ZNF429: variants seen among roughly 807,000 people sequenced by gnomAD.
ZNF429 encodes zinc finger protein 429.
In ZNF429, 53 loss-of-function variants were observed where a neutral mutation model predicts 56.8. The observed-to-expected ratio is 0.93, with a 90% CI of 0.75 to 1.17. The LOEUF (loss-of-function observed/expected upper bound fraction) is 1.17, where lower values mean the gene tolerates loss of function less well. Ranked by LOEUF, ZNF429 falls within the 50% of genes most tolerant of loss-of-function variation. The pLI is 0.00. For synonymous variants in ZNF429, 278 were observed against 264.7 expected (o/e 1.05, Z -0.49); for missense variants, 849 against 788.4 (o/e 1.08, Z -0.92).
chr19:21,536,311 G>T lies in ZNF429; in HGVS notation c.258G>T (p.Trp86Cys), dbSNP rs747327564. The change falls in exon 4 of 4, where the codon TGG (tryptophan) becomes TGT (cysteine). Residue 86 changes from tryptophan to cysteine, a missense_variant. Trp to Cys is a radical substitution (Grantham distance 215). Transcript: ENST00000358491. ...VVCSHFAEDFWPEQDIKDSFQ... is the reference protein window; with the variant it reads ...VVCSHFAEDFCPEQDIKDSFQ... ...GTTCTCATTTTGCTGAAGACTTTTG[G>T]CCAGAGCAAGACATAAAAGATTCTT... 8.8e-6 allele frequency: 14 copies of T among 1,589,038 alleles called. No individual in the cohort carries two copies. Among genetic ancestry groups the T allele is most frequent in the Non-Finnish European group, 1.2e-5 (14 of 1,170,818 alleles).
Position 21,537,346 on chromosome 19 carries a change from C to G in ZNF429, c.1293C>G (p.Gly431=). 1 of 1,613,914 alleles carries G rather than the reference C, an allele frequency of 6.2e-7. No homozygotes were observed. Among genetic ancestry groups the G allele is most frequent in the Non-Finnish European group, 8.5e-7 (1 of 1,179,944 alleles). The change falls in exon 4 of 4, where the codon GGC becomes GGG. Residue 431 remains glycine, a synonymous_variant. Transcript: ENST00000358491. ...GEKPYNCEEC[G]KVFTYSSTLT... Reference sequence around the variant, plus strand: ...AACCCTACAATTGTGAAGAATGTGGCAAAGTTTTTACCTATTCCTCTACAC... The same window carrying G: ...AACCCTACAATTGTGAAGAATGTGGGAAAGTTTTTACCTATTCCTCTACAC...
intron 3 of ZNF429, among the ~76,000 whole-genome samples, chr19:21,531,352 C>T: frequency 6.6e-6 from 1 of 152,024 alleles, no homozygotes; most frequent in Non-Finnish European, 1.5e-5. Context: ...GGGGACCCAA[C>T]AAAAGAGGCT....
Position 21,537,261 on chromosome 19 carries a change from G to C in ZNF429, c.1208G>C (p.Gly403Ala). Residue 403 changes from glycine (G) to alanine (A), a missense_variant, in exon 4 of 4, where the codon GGC becomes GCC. Coordinates refer to ENST00000358491, the MANE Select transcript of ZNF429 (RefSeq NM_001001415.4). The stretch of plus-strand genomic sequence containing the variant: ...GAACCCTACAAATTTGAAAAATGTG[G>C]CAGAGTTTTTACCTGTTCCTCAACA... Reference protein sequence around the residue: ...GEEPYKFEKCGRVFTCSSTLT... With the variant: ...GEEPYKFEKCARVFTCSSTLT... 6.2e-7 allele frequency: 1 copy of C among 1,613,718 alleles called. No individual in the cohort carries two copies. The highest frequency in any genetic ancestry group is 8.5e-7 in the Non-Finnish European group (1 of 1,179,928).
chr19:21,536,189 G>A lies in ZNF429; in HGVS notation c.227-91G>A. The A allele has an allele frequency of 6.0e-4, 789 of 1,317,832 alleles. 2 individuals are homozygous for A. The African/African-American group carries it at 9.6e-3, about 16-fold the overall frequency. The allele number at this position is 1,317,832 out of a possible 1,614,324, so 81.6% of individuals were successfully genotyped here. A position where few individuals can be genotyped will look rare whatever the true frequency, so the allele number is the denominator to read the frequency against. ...TATTTTGCTATGCTGTGTTGCTTAC[G>A]TAGTTTTTATAACTTTAGAGGTTTT... On this transcript the variant is annotated intron_variant, in intron 3 of 3. Transcript: ENST00000358491.
chr19:21,517,696 GAT>G (rs869194346), intron 1 of ZNF429, among the ~76,000 whole-genome samples: 2 of 151,388 alleles, frequency 1.3e-5, no homozygotes, highest in African/African-American at 2.4e-5. Flanking sequence ...ATTTCTTTTA[GAT>G]TTTTTTTTTA....
chr19:21,535,331 T>TTCTTTCTTTCTTTCTTTCTCTC, intron 3 of ZNF429, among the ~76,000 whole-genome samples: 1 of 29,924 alleles, frequency 3.3e-5, no homozygotes, highest in African/African-American at 2.8e-4. Context: ...TTCTTTCTCT[T>TTCTTTCTTTCTTTCTTTCTCTC]TTCTTTTCTT....
chr19:21,505,620 C>A lies in ZNF429; in HGVS notation c.-152C>A. ...CGACAGGACGGTTTCCGGAATATGG[C>A]GGGGCGTTTGGCTCTTGCTGCAGCC... On this transcript the variant is annotated 5_prime_UTR_variant, in exon 1 of 4. Transcript: ENST00000358491. 2 of 656,222 alleles carry A rather than the reference C, an allele frequency of 3.0e-6. No individual in the cohort carries two copies. Among genetic ancestry groups the A allele is most frequent in the Non-Finnish European group, 4.9e-6 (2 of 408,890 alleles). The allele number at this position is 656,222 out of a possible 1,614,324, so 40.6% of individuals were successfully genotyped here.
intron 3 of ZNF429, among the ~76,000 whole-genome samples, chr19:21,535,428 C>CTTTTCT: frequency 1.5e-4 from 1 of 6,792 alleles, no homozygotes; most frequent in Non-Finnish European, 3.0e-4. Flanking sequence ...TTCTTTCTTT[C>CTTTTCT]TTTCTTTCTT....
At chr19:21,507,950 G>C (rs919377847) in intron 1 of ZNF429, among the ~76,000 whole-genome samples, 1 of 152,088 alleles carries the variant, frequency 6.6e-6, no homozygotes, top group African/African-American at 2.4e-5. Context: ...TCTACAATTT[G>C]TGAAAAAAGA....
chr19:21,535,401 CTTTCTTTT>C, intron 3 of ZNF429, among the ~76,000 whole-genome samples: 2 of 26,394 alleles, frequency 7.6e-5, no homozygotes, highest in Admixed American at 3.0e-4. Flanking sequence ...TTCTTTCTTT[CTTTCTTTT>C]TCTTTTCTTT....
At chr19:21,512,297 G>T (rs1378468542) in intron 1 of ZNF429, among the ~76,000 whole-genome samples, 2 of 152,148 alleles carry the variant, frequency 1.3e-5, no homozygotes, top group African/African-American at 2.4e-5. Flanking sequence ...GTTTTAGCTG[G>T]CTCCTTTACT....
In ZNF429 at chr19:21,536,453, A is replaced by G; in HGVS notation, c.400A>G (p.Asn134Asp). ...ATACAAAGGAGGTTATAATGGACTT[A>G]ACCAATGTTTGACACTTACCCAGAG... ...KLYKGGYNGL[N>D]QCLTLTQSKM... Residue 134 changes from asparagine to aspartate, a missense_variant, in exon 4 of 4, where the codon AAC becomes GAC. Transcript: ENST00000358491. 6.2e-7 allele frequency: 1 copy of G among 1,613,688 alleles called. No homozygotes were observed. Among genetic ancestry groups the G allele is most frequent in the East Asian group, 2.2e-5 (1 of 44,816 alleles).
chr19:21,507,095 T>A (rs942876919), intron 1 of ZNF429, among the ~76,000 whole-genome samples: 2 of 152,054 alleles, frequency 1.3e-5, no homozygotes, highest in African/African-American at 4.8e-5. Context: ...AAGTAGGAAT[T>A]CAGGGACTAC....
chr19:21,508,331 T>G (rs1415264257), intron 1 of ZNF429, among the ~76,000 whole-genome samples: 1 of 152,046 alleles, frequency 6.6e-6, no homozygotes, highest in African/African-American at 2.4e-5. Context: ...TAAAATGCAC[T>G]TGGGACACTT....
At position 21,505,611 on chromosome 19, in the gene ZNF429, G is replaced by T; in HGVS notation, c.-161G>T. Reference sequence around the variant, plus strand: ...CAGCTGGAGCGACAGGACGGTTTCCGGAATATGGCGGGGCGTTTGGCTCTT... The same window carrying T: ...CAGCTGGAGCGACAGGACGGTTTCCTGAATATGGCGGGGCGTTTGGCTCTT... On this transcript the variant is annotated 5_prime_UTR_variant, in exon 1 of 4. Coordinates refer to ENST00000358491, the MANE Select transcript of ZNF429 (RefSeq NM_001001415.4). The T allele has an allele frequency of 1.1e-5, 7 of 624,812 alleles. No homozygotes were observed. The highest frequency in any genetic ancestry group is 1.9e-5 in the Non-Finnish European group (7 of 376,844). 38.7% of individuals were successfully genotyped at this position (624,812 alleles called of 1,614,324 possible).
At position 21,538,576 on chromosome 19, in the gene ZNF429, GA is replaced by G. The variant is rs1435212619; in HGVS notation, c.*499del. 3.3e-5 allele frequency: 5 copies of G among 152,128 alleles called. No individual in the cohort carries two copies. The highest frequency in any genetic ancestry group is 5.9e-5 in the Non-Finnish European group (4 of 68,086). 9.4% of individuals were successfully genotyped at this position (152,128 alleles called of 1,614,324 possible). A position where few individuals can be genotyped will look rare whatever the true frequency, so the allele number is the denominator to read the frequency against. On this transcript the variant is annotated 3_prime_UTR_variant, in exon 4 of 4. Transcript: ENST00000358491. ...GATCACGCCACTACACTCCAGCCTGGATGACAAAACAAGACTCTGTCTAAAA... is the reference window on the plus strand; with the variant it reads ...GATCACGCCACTACACTCCAGCCTGGTGACAAAACAAGACTCTGTCTAAAA...
intron 1 of ZNF429, among the ~76,000 whole-genome samples, chr19:21,527,143 T>C (rs1257429429): frequency 6.6e-6 from 1 of 152,248 alleles, no homozygotes; most frequent in African/African-American, 2.4e-5. Flanking sequence ...TTTGTCTAAC[T>C]AATACTAATG....
At chr19:21,511,121 C>G (rs1424560163) in intron 1 of ZNF429, among the ~76,000 whole-genome samples, 3 of 152,190 alleles carry the variant, frequency 2.0e-5, no homozygotes, top group Non-Finnish European at 4.4e-5. Flanking sequence ...GGGTGGTGGC[C>G]GGGCAGAGGG....
chr19:21,526,091 T>C (rs968942071), intron 1 of ZNF429, among the ~76,000 whole-genome samples: 6 of 99,360 alleles, frequency 6.0e-5, no homozygotes, highest in African/African-American at 2.2e-4. Context: ...TGCTGCCTTC[T>C]GTTTGTTCTG....
Sources: gnomAD v4.1 joint callset for allele counts (sites outside exome capture counted in the v4.1 genomes callset) on GRCh38, gnomAD v4.1.1 for gene constraint, MANE v1.5 for transcripts, NCBI Gene and HGNC (gene_info 2026-07-23, HGNC 2026-07-21) for gene names.